CNTLN: variants seen among roughly 807,000 people sequenced by gnomAD.
CNTLN encodes centlein, centrosomal protein.
Under a neutral mutation model 180.0 loss-of-function variants are expected in CNTLN, and 212 were observed. The observed-to-expected ratio is 1.18, with a 90% confidence interval of 1.05 to 1.32. The LOEUF is 1.32. Ranked by LOEUF, CNTLN falls within the 40% of genes most tolerant of loss-of-function variation. The pLI is 0.00. For missense variants in CNTLN, 2,095 were observed against 1,610.9 expected (o/e 1.30, Z -5.14); for synonymous variants, 722 against 563.1 (o/e 1.28, Z -3.99).
At chr9:17,155,939 G>T (rs1045583238) in intron 2 of CNTLN, among the ~76,000 whole-genome samples, 3 of 152,156 alleles carry the variant, frequency 2.0e-5, no homozygotes, top group Non-Finnish European at 4.4e-5. Context: ...ATCTGTGCTG[G>T]AGTTCCTCAG....
intron 18 of CNTLN, among the ~76,000 whole-genome samples, chr9:17,429,480 T>G (rs1001124522): frequency 6.6e-6 from 1 of 152,058 alleles, no homozygotes; most frequent in Admixed American, 6.5e-5. Flanking sequence ...AATAAAGTAT[T>G]TGAGTATGTA....
chr9:17,251,770 G>A (rs1346447544), intron 5 of CNTLN, among the ~76,000 whole-genome samples: 7 of 151,648 alleles, frequency 4.6e-5, no homozygotes, highest in Admixed American at 3.3e-4. Context: ...CAGTTGCTTC[G>A]AAATACATGT....
chr9:17,350,059 T>C (rs1226584348), intron 12 of CNTLN, among the ~76,000 whole-genome samples: 1 of 152,204 alleles, frequency 6.6e-6, no homozygotes, highest in African/African-American at 2.4e-5. Flanking sequence ...CTAAATTAGA[T>C]GAAGTACCCA....
chr9:17,419,603 G>T (rs533438476), intron 18 of CNTLN, among the ~76,000 whole-genome samples: 13 of 152,190 alleles, frequency 8.5e-5, no homozygotes, highest in African/African-American at 3.1e-4. Context: ...ATTCAAACAT[G>T]AGAAATTAAC....
Position 17,486,841 on chromosome 9 carries a change from G to A in CNTLN, c.4042-148G>A, listed in dbSNP as rs1192034400. ...GATAAATTAAATTTTAAAGAGCATG[G>A]ACTTAAATATTTCTACTTTGAGATG... On this transcript the variant is annotated intron_variant, in intron 24 of 25. Coordinates refer to ENST00000380647, the MANE Select transcript of CNTLN (RefSeq NM_017738.4). 1.1e-5 allele frequency: 6 copies of A among 566,378 alleles called. No homozygotes were observed. In the East Asian group the frequency reaches 1.9e-4, roughly 18 times the overall value. 35.1% of individuals were successfully genotyped at this position (566,378 alleles called of 1,614,324 possible).
At chr9:17,463,200 T>A (rs1162572703) in intron 20 of CNTLN, among the ~76,000 whole-genome samples, 187 bp downstream of exon 20, 2 of 151,654 alleles carry the variant, frequency 1.3e-5, no homozygotes, top group African/African-American at 4.8e-5. Flanking sequence ...TTTACTTTTT[T>A]AAATTAGATA....
At chr9:17,447,636 A>G (rs756461113) in intron 18 of CNTLN, 2 of 153,360 alleles carry the variant, frequency 1.3e-5, no homozygotes, top group Non-Finnish European at 2.9e-5. Context: ...GGTTTATTCA[A>G]CTGAAGTTCA....
chr9:17,315,873 T>C (rs1819508047), intron 8 of CNTLN, among the ~76,000 whole-genome samples: 1 of 152,028 alleles, frequency 6.6e-6, no homozygotes, highest in African/African-American at 2.4e-5. Flanking sequence ...TCTGTATAGA[T>C]TTTCTCTACC....
chr9:17,378,743 A>G lies in CNTLN; in HGVS notation c.1988-9419A>G, dbSNP rs113539787. Among the ~76,000 whole-genome samples, 1,231 of 152,176 alleles carry G rather than the reference A, an allele frequency of 8.1e-3. 10 individuals are homozygous for G. Among genetic ancestry groups the G allele is most frequent in the African/African-American group, 0.011 (467 of 41,538 alleles). On this transcript the variant is annotated intron_variant, in intron 13 of 25. Transcript: ENST00000380647. The stretch of plus-strand genomic sequence containing the variant: ...CTCCACCAACTACAGAGTGTTTTCT[A>G]TTGTAGAAGGGGTGACCCAGGATTT...
chr9:17,513,999 G>T, the CNTLN span, among the ~76,000 whole-genome samples: 1 of 152,086 alleles, frequency 6.6e-6, no homozygotes, highest in African/African-American at 2.4e-5. Flanking sequence ...AAATAACCCA[G>T]ATTCACTTAA....
At chr9:17,454,031 T>C (rs1270805031) in intron 18 of CNTLN, among the ~76,000 whole-genome samples, 1 of 152,198 alleles carries the variant, frequency 6.6e-6, no homozygotes, top group Non-Finnish European at 1.5e-5. Context: ...ATGGGAATGA[T>C]AGCATATCGT....
chr9:17,366,549 A>C, intron 12 of CNTLN, 68 bp from the exon 13 acceptor site: 1 of 677,802 alleles, frequency 1.5e-6, no homozygotes, highest in Admixed American at 2.6e-5. Context: ...ATATATTTAA[A>C]TGTATATGTT....
intron 19 of CNTLN, among the ~76,000 whole-genome samples, chr9:17,459,348 G>A (rs1375799918): frequency 6.6e-6 from 1 of 151,758 alleles, no homozygotes; most frequent in East Asian, 1.9e-4. Context: ...TTGCTTTGGA[G>A]GAATGTGTGA....
chr9:17,456,201 G>A (rs79284721), intron 18 of CNTLN, among the ~76,000 whole-genome samples: 265 of 152,144 alleles, frequency 1.7e-3, no homozygotes, highest in African/African-American at 6.0e-3. Flanking sequence ...TTGAATATTA[G>A]CCAGGAAGAT....
intron 18 of CNTLN, among the ~76,000 whole-genome samples, chr9:17,456,841 G>T (rs12000906): frequency 0.017 from 2,646 of 152,090 alleles, 74 homozygotes; most frequent in African/African-American, 0.06. Flanking sequence ...GTTAAGATGG[G>T]TTTCTTTTAT....
chr9:17,431,040 G>A (rs1413727780), intron 18 of CNTLN, among the ~76,000 whole-genome samples: 1 of 152,032 alleles, frequency 6.6e-6, no homozygotes, highest in Non-Finnish European at 1.5e-5. Flanking sequence ...TTGACATACT[G>A]ATTTCATTTC....
rs545564779 is a variant in CNTLN at position 17,179,502 on chromosome 9, T to G, written c.449+36126T>G. 7.2e-5 allele frequency among the ~76,000 whole-genome samples: 11 copies of G among 152,190 alleles called. 1 individual carries two copies. In the South Asian group the frequency reaches 2.3e-3, roughly 31 times the overall value. ...GTTTGGCGATTTTTCCTTTGCCAGA[T>G]TTTTAGTTTGATTTCATATGGTCAG... On this transcript the variant is annotated intron_variant, in intron 2 of 25. Transcript: ENST00000380647.
rs761788016 is a variant in CNTLN at position 17,340,953 on chromosome 9, G to A, written c.1766+5G>A. 1 of 1,603,870 alleles carries A rather than the reference G, an allele frequency of 6.2e-7. No individual in the cohort carries two copies. Among genetic ancestry groups the A allele is most frequent in the Non-Finnish European group, 8.5e-7 (1 of 1,175,408 alleles). On this transcript the variant is annotated splice_donor_5th_base_variant and intron_variant, in intron 11 of 25. Coordinates refer to ENST00000380647, the MANE Select transcript of CNTLN (RefSeq NM_017738.4). ...GTGGGAAGAAGGCAGTGGCATGTGA[G>A]TTACATAGCTCATAAAGGCATTTCC... is the stretch of plus-strand genomic sequence containing the variant.
chr9:17,255,927 G>A (rs373136505), intron 5 of CNTLN, among the ~76,000 whole-genome samples: 59 of 151,960 alleles, frequency 3.9e-4, no homozygotes, highest in African/African-American at 1.4e-3. Context: ...ATTATCCAAT[G>A]TGTTAGAATA....
Sources: gnomAD v4.1 joint callset for allele counts (sites outside exome capture counted in the v4.1 genomes callset) on GRCh38, gnomAD v4.1.1 for gene constraint, MANE v1.5 for transcripts, NCBI Gene and HGNC (gene_info 2026-07-23, HGNC 2026-07-21) for gene names.